Variants in GPHN observed in about 807,000 individuals in gnomAD.
The protein encoded by GPHN is gephyrin.
GPHN carries 17 observed loss-of-function variants against 95.5 expected under a neutral mutation model. The observed-to-expected ratio is 0.18, with a 90% confidence interval of 0.12 to 0.27. The LOEUF is 0.27. GPHN is among the 10% of genes least tolerant of loss of function. The pLI, the probability that GPHN is intolerant of heterozygous loss-of-function variation, is 1.00. For synonymous variants in GPHN, 320 were observed against 322.5 expected (o/e 0.99, Z 0.08); for missense variants, 660 against 978.1 (o/e 0.67, Z 4.34).
chr14:67,365,104 AAAAG>A, the GPHN span: 2 of 1,344,150 alleles, frequency 1.5e-6, no homozygotes, highest in African/African-American at 1.5e-5. Flanking sequence ...GCTTAAAAAA[AAAAG>A]CTCCTTTTAT....
chr14:66,639,520 G>C (rs916235180), intron 1 of GPHN, among the ~76,000 whole-genome samples: 1 of 151,906 alleles, frequency 6.6e-6, no homozygotes, highest in African/African-American at 2.4e-5. Context: ...AAATTTCACT[G>C]CTCCTTTATT....
At chr14:66,823,364 G>A (rs1331397075) in intron 3 of GPHN, 5 of 152,082 alleles carry the variant, frequency 3.3e-5, no homozygotes, top group Non-Finnish European at 5.9e-5. Flanking sequence ...AAGCTTTTCT[G>A]CTTTTTAAAA....
intron 17 of GPHN, among the ~76,000 whole-genome samples, chr14:67,132,615 T>A (rs2079791334): frequency 6.6e-6 from 1 of 152,094 alleles, no homozygotes; most frequent in Non-Finnish European, 1.5e-5. Flanking sequence ...CTTTCCGATC[T>A]CAGTGATAGA....
chr14:67,397,764 G>T, the GPHN span: 1 of 1,613,312 alleles, frequency 6.2e-7, no homozygotes, highest in Non-Finnish European at 8.5e-7. Flanking sequence ...CAAGCTTGTA[G>T]TACACCAGCG....
chr14:67,129,439 A>G, intron 17 of GPHN, among the ~76,000 whole-genome samples: 1 of 152,214 alleles, frequency 6.6e-6, no homozygotes, highest in East Asian at 1.9e-4. Context: ...TTTGTAATAC[A>G]ACAAAAGTTT....
the GPHN span, chr14:67,578,403 TC>T: frequency 2.0e-5 from 16 of 804,904 alleles, no homozygotes; most frequent in Non-Finnish European, 3.1e-5. This position sits in a 1 kb window ranked among gnomAD's most constrained non-coding sequence, Gnocchi z 5.0. Flanking sequence ...AAGTTGGCCA[TC>T]CCAGCACCCA....
intron 3 of GPHN, among the ~76,000 whole-genome samples, chr14:66,802,663 T>C (rs937853489): frequency 3.3e-5 from 5 of 152,160 alleles, no homozygotes; most frequent in African/African-American, 4.8e-5. Flanking sequence ...CTCTTTAGTT[T>C]GCAGTTGATG....
rs192273779 is a variant in GPHN, at chr14:66,789,505, A to G, written c.201+12984A>G. Among the ~76,000 whole-genome samples the G allele has an allele frequency of 3.0e-3, 456 of 152,330 alleles. 3 individuals carry two copies. The highest frequency in any genetic ancestry group is 0.011 in the African/African-American group (438 of 41,574). ...TTTCACTTGCCAGTTTCTTAATTCA[A>G]TTACTGGCTTTAGGGTTGATCCCTT... is the stretch of plus-strand genomic sequence containing the variant. On this transcript the variant is annotated intron_variant, in intron 3 of 22. Coordinates refer to ENST00000478722, the MANE Select transcript of GPHN (RefSeq NM_020806.5).
chr14:66,651,833 A>G (rs2153365913), intron 1 of GPHN, among the ~76,000 whole-genome samples: 1 of 149,242 alleles, frequency 6.7e-6, no homozygotes, highest in South Asian at 2.2e-4. Flanking sequence ...ATCTCCCATC[A>G]CCCCGAGATG....
At chr14:66,916,827 C>A (rs1235471734) in intron 6 of GPHN, among the ~76,000 whole-genome samples, 1 of 152,188 alleles carries the variant, frequency 6.6e-6, no homozygotes, top group Non-Finnish European at 1.5e-5. Flanking sequence ...GTACAAGCTA[C>A]CCCCTGGCCT....
intron 19 of GPHN, among the ~76,000 whole-genome samples, chr14:67,164,294 CTG>C (rs1236382946): frequency 8.6e-6 from 1 of 116,082 alleles, no homozygotes; most frequent in African/African-American, 3.5e-5. Context: ...AAAAAAAAAA[CTG>C]TTAATTTTGT....
At chr14:66,831,299 A>T (rs1334625542) in intron 4 of GPHN, among the ~76,000 whole-genome samples, 2 of 152,180 alleles carry the variant, frequency 1.3e-5, no homozygotes, top group Non-Finnish European at 2.9e-5. Flanking sequence ...GTAAGGCTAA[A>T]ATTAGTCATA....
the GPHN span, among the ~76,000 whole-genome samples, chr14:67,479,518 G>T: frequency 6.6e-6 from 1 of 151,442 alleles, no homozygotes; most frequent in Admixed American, 6.6e-5. Context: ...AGGAGTTCGA[G>T]ACCAGCCTGG....
the GPHN span, among the ~76,000 whole-genome samples, chr14:67,559,293 C>T: frequency 6.6e-6 from 1 of 152,168 alleles, no homozygotes; most frequent in African/African-American, 2.4e-5. Flanking sequence ...CTCTCTCTCC[C>T]TCCCCAGTCC....
chr14:67,496,869 C>T, the GPHN span, among the ~76,000 whole-genome samples: 1 of 151,688 alleles, frequency 6.6e-6, no homozygotes, highest in Non-Finnish European at 1.5e-5. Flanking sequence ...GCAATCTCAG[C>T]TCACTGCAAC....
intron 11 of GPHN, among the ~76,000 whole-genome samples, chr14:67,086,417 C>T (rs532690416): frequency 9.9e-5 from 15 of 151,942 alleles, no homozygotes; most frequent in African/African-American, 3.4e-4. Context: ...TTTGGAAGGC[C>T]GAGGCGGGCA....
the GPHN span, among the ~76,000 whole-genome samples, chr14:67,489,318 C>G: frequency 6.6e-6 from 1 of 152,336 alleles, no homozygotes; most frequent in African/African-American, 2.4e-5. Flanking sequence ...AATGTGCCTT[C>G]GAACTGCTTC....
chr14:67,579,680 C>G, the GPHN span: 2 of 1,597,100 alleles, frequency 1.3e-6, no homozygotes. Flanking sequence ...GAGCTCCTCT[C>G]AGGAGGTTCA....
intron 1 of GPHN, among the ~76,000 whole-genome samples, chr14:66,544,155 G>GC (rs1204540079): frequency 2.0e-5 from 3 of 152,120 alleles, no homozygotes; most frequent in South Asian, 2.1e-4. Context: ...CCTGGTACAT[G>GC]CAGATGGGCT....
Sources: gnomAD v4.1 joint callset for allele counts (sites outside exome capture counted in the v4.1 genomes callset) on GRCh38, gnomAD v4.1.1 for gene constraint, Gnocchi (gnomAD v3.1) non-coding constraint, MANE v1.5 for transcripts, NCBI Gene and HGNC (gene_info 2026-07-23, HGNC 2026-07-21) for gene names.